CHRNA7: variants seen among roughly 807,000 people sequenced by gnomAD.
CHRNA7 encodes cholinergic receptor nicotinic alpha 7 subunit.
CHRNA7 carries 17 observed loss-of-function variants against 48.0 expected under a neutral mutation model. The observed-to-expected ratio is 0.35, with a 90% CI of 0.24 to 0.53. The LOEUF (loss-of-function observed/expected upper bound fraction) is 0.53, where lower values mean the gene tolerates loss of function less well. Among genes scored for constraint, CHRNA7 ranks in the 20% least tolerant of loss-of-function variants. The pLI is 0.92. For synonymous variants in CHRNA7, 75 were observed against 242.3 expected, an observed-to-expected ratio of 0.31 and a Z score of 6.41; for missense variants, 155 against 577.7, an observed-to-expected ratio of 0.27 and a Z score of 7.50.
intron 3 of CHRNA7, among the ~76,000 whole-genome samples, chr15:32,109,279 G>T (rs2050723875): frequency 6.6e-6 from 1 of 152,164 alleles, no homozygotes; most frequent in African/African-American, 2.4e-5. Context: ...GGAGCTGGTG[G>T]GAGTGTAGCC....
intron 4 of CHRNA7, among the ~76,000 whole-genome samples, chr15:32,139,903 T>C (rs930951929): frequency 2.6e-5 from 4 of 152,198 alleles, no homozygotes; most frequent in African/African-American, 4.8e-5. Flanking sequence ...TAAAATATCA[T>C]TATGAACATA....
intron 4 of CHRNA7, among the ~76,000 whole-genome samples, chr15:32,137,054 AAAAG>A (rs1015669615): frequency 2.0e-5 from 3 of 150,028 alleles, no homozygotes; most frequent in African/African-American, 7.3e-5. Context: ...AAAGAAAAAA[AAAAG>A]AAAACAGGAG....
intron 2 of CHRNA7, among the ~76,000 whole-genome samples, chr15:32,089,655 T>C (rs2050352181): frequency 6.6e-6 from 1 of 152,220 alleles, no homozygotes; most frequent in Non-Finnish European, 1.5e-5. Context: ...TATTTTAAAT[T>C]TCTTATGTGA....
chr15:32,095,086 C>T (rs2050445487), intron 2 of CHRNA7, among the ~76,000 whole-genome samples: 1 of 152,350 alleles, frequency 6.6e-6, no homozygotes, highest in Admixed American at 6.5e-5. Context: ...TACCCCTAGC[C>T]CACATGGCTA....
At chr15:32,030,852 C>T (rs1901790131) in intron 1 of CHRNA7, 46 bp from the exon 2 acceptor site, 4 of 1,595,792 alleles carry the variant, frequency 2.5e-6, no homozygotes, top group East Asian at 4.5e-5. Context: ...GGGGGTACCC[C>T]CGCCGGCCTG....
intron 2 of CHRNA7, among the ~76,000 whole-genome samples, chr15:32,084,086 C>T (rs971825541): frequency 6.6e-6 from 1 of 152,096 alleles, no homozygotes. Flanking sequence ...TGTTTCTGGA[C>T]ACCAGTAATT....
At chr15:32,051,506 C>T (rs1351406782) in intron 2 of CHRNA7, among the ~76,000 whole-genome samples, 6 of 152,298 alleles carry the variant, frequency 3.9e-5, no homozygotes, top group Non-Finnish European at 5.9e-5. Context: ...GTCAGAAAAG[C>T]GCAGTATTGG....
rs1413044531 is a variant in CHRNA7 at position 32,169,350 on chromosome 15, ATG to A, written c.*896_*897del. The A allele has an allele frequency of 2.9e-5, 4 of 139,372 alleles. No individual in the cohort carries two copies. Among genetic ancestry groups the A allele is most frequent in the African/African-American group, 1.1e-4 (4 of 37,908 alleles). 8.6% of individuals were successfully genotyped at this position (139,372 alleles called of 1,614,324 possible). On this transcript the variant is annotated 3_prime_UTR_variant, in exon 10 of 10. Transcript: ENST00000306901. ...CACTTACGTGGGCTTTAAAAAAATA[ATG>A]TGTTAGCTGATTCACATGCACTGGA...
At chr15:32,101,220 C>G (rs1022381198) in intron 2 of CHRNA7, 83 bp from the exon 3 acceptor site, 8 of 1,439,326 alleles carry the variant, frequency 5.6e-6, no homozygotes, top group Non-Finnish European at 7.7e-6. Context: ...TCTCGACAGT[C>G]AGATCCCCAT....
chr15:32,111,979 G>A, intron 4 of CHRNA7, 80 bp downstream of exon 4: 1 of 905,692 alleles, frequency 1.1e-6, no homozygotes, highest in Non-Finnish European at 1.8e-6. Flanking sequence ...ATATTTCACA[G>A]AGATGCTGGA....
chr15:32,083,846 A>G (rs952134335), intron 2 of CHRNA7, among the ~76,000 whole-genome samples: 1 of 152,162 alleles, frequency 6.6e-6, no homozygotes, highest in Non-Finnish European at 1.5e-5. Flanking sequence ...TGATAGGAAC[A>G]TTTTTCTTGG....
chr15:32,121,298 C>T (rs1448630140), intron 4 of CHRNA7, among the ~76,000 whole-genome samples: 1 of 152,244 alleles, frequency 6.6e-6, no homozygotes, highest in Non-Finnish European at 1.5e-5. Context: ...TAGGAAGACG[C>T]ACATTCACTG....
chr15:32,046,951 G>C (rs969989868), intron 2 of CHRNA7, among the ~76,000 whole-genome samples: 22 of 151,164 alleles, frequency 1.5e-4, no homozygotes, highest in Middle Eastern at 3.4e-3. Flanking sequence ...GCTTGTTTTT[G>C]TCAGGTTTGT....
chr15:32,151,241 G>T (rs1336981578), intron 4 of CHRNA7, among the ~76,000 whole-genome samples: 1 of 151,888 alleles, frequency 6.6e-6, no homozygotes, highest in African/African-American at 2.4e-5. Context: ...AACCCATTTG[G>T]TTCTGTCCTC....
At chr15:32,091,398 C>T (rs1168833819) in intron 2 of CHRNA7, among the ~76,000 whole-genome samples, 3 of 152,146 alleles carry the variant, frequency 2.0e-5, no homozygotes, top group African/African-American at 4.8e-5. Flanking sequence ...GTTCTCATTG[C>T]GTCTGTCTGG....
chr15:32,052,755 A>T (rs1029371824), intron 2 of CHRNA7, among the ~76,000 whole-genome samples: 1 of 152,142 alleles, frequency 6.6e-6, no homozygotes, highest in Non-Finnish European at 1.5e-5. Flanking sequence ...ACAATTAAAT[A>T]AAAAAGTTAG....
chr15:32,154,865 CACCACTCACACACAT>C (rs2051705215), intron 5 of CHRNA7, among the ~76,000 whole-genome samples: 2 of 16,830 alleles, frequency 1.2e-4, no homozygotes, highest in Non-Finnish European at 1.0e-4. Flanking sequence ...CCCTCACACA[CACCACTCACACACAT>C]CACTCACATA....
At chr15:32,148,708 G>C (rs574180536) in intron 4 of CHRNA7, among the ~76,000 whole-genome samples, 4 of 152,336 alleles carry the variant, frequency 2.6e-5, no homozygotes, top group African/African-American at 9.6e-5. Flanking sequence ...TGCCTGGGGG[G>C]CCAAGCAGTG....
intron 2 of CHRNA7, among the ~76,000 whole-genome samples, chr15:32,079,248 A>G (rs2050179766): frequency 6.6e-6 from 1 of 152,192 alleles, no homozygotes; most frequent in South Asian, 2.1e-4. Context: ...GCACAAGACA[A>G]GAATGCCCTC....
Sources: allele counts gnomAD v4.1 joint callset (sites outside exome capture counted in the v4.1 genomes callset), GRCh38; gene constraint gnomAD v4.1.1; transcripts MANE v1.5; gene names NCBI Gene and HGNC (gene_info 2026-07-23, HGNC 2026-07-21).